The following ATP2C2 variants were observed in gnomAD, a reference collection of about 807,000 sequenced individuals.
The protein encoded by ATP2C2 is ATPase secretory pathway Ca2+ transporting 2.
In ATP2C2, 171 loss-of-function variants were observed where a neutral mutation model predicts 110.8. The ratio of observed to expected loss-of-function variants is 1.54; its 90% CI spans 1.36 to 1.75. The LOEUF is 1.75. Ranked by LOEUF, ATP2C2 falls within the 40% of genes most tolerant of loss-of-function variation. The pLI is 0.00. For synonymous variants in ATP2C2, 804 were observed against 508.4 expected (o/e 1.58, Z -7.82); for missense variants, 1,963 against 1,235.0 (o/e 1.59, Z -8.84).
At chr16:84,459,044 C>G (rs1910974102) in intron 21 of ATP2C2, 76 bp from the exon 22 acceptor site, 1 of 1,516,820 alleles carries the variant, frequency 6.6e-7, no homozygotes, top group Non-Finnish European at 9.1e-7. Flanking sequence ...CACCACTGCC[C>G]CTTGCAGCAA....
At chr16:84,385,720 G>A (rs770440028) in intron 1 of ATP2C2, among the ~76,000 whole-genome samples, 1 of 152,210 alleles carries the variant, frequency 6.6e-6, no homozygotes, top group South Asian at 2.1e-4. Context: ...AGCGGCAGGA[G>A]AGAGAATGAA....
chr16:84,397,368 T>A (rs1905050770), intron 1 of ATP2C2, among the ~76,000 whole-genome samples: 1 of 151,588 alleles, frequency 6.6e-6, no homozygotes, highest in African/African-American at 2.4e-5. Flanking sequence ...TGCAATATGG[T>A]GCATACTTGA....
intron 1 of ATP2C2, among the ~76,000 whole-genome samples, chr16:84,388,576 G>C (rs1904457728): frequency 6.6e-6 from 1 of 152,132 alleles, no homozygotes; most frequent in African/African-American, 2.4e-5. Flanking sequence ...GAAGGATAGA[G>C]AAGCCTTGGA....
Position 84,451,968 on chromosome 16 carries a change from G to A in ATP2C2, c.1708G>A (p.Gly570Ser). The A allele has an allele frequency of 1.2e-6, 2 of 1,614,044 alleles. No individual in the cohort carries two copies. The highest frequency in any genetic ancestry group is 1.7e-6 in the Non-Finnish European group (2 of 1,180,002). ...GPELGRLTFL[G>S]LVGIIDPPRV... ...CGAGCTGGGGCGGCTGACGTTTCTC[G>A]GTCTTGTGGGCATCATTGACCCCCC... is the stretch of plus-strand genomic sequence containing the variant. Residue 570 changes from glycine (G) to serine (S), a missense_variant, in exon 18 of 27, where the codon GGT becomes AGT. Coordinates refer to ENST00000262429, the MANE Select transcript of ATP2C2 (RefSeq NM_014861.4).
chr16:84,415,407 C>G, intron 6 of ATP2C2, 76 bp from the exon 7 acceptor site: 2 of 1,224,604 alleles, frequency 1.6e-6, no homozygotes, highest in Non-Finnish European at 2.4e-6. Context: ...TTCTATTCTC[C>G]TTGTTCAAAT....
At chr16:84,461,462 G>A in intron 24 of ATP2C2, 2 of 583,322 alleles carry the variant, frequency 3.4e-6, no homozygotes, top group Non-Finnish European at 6.1e-6. Flanking sequence ...CTTCCTGGAG[G>A]AAGTGGTGTT....
In ATP2C2 at chr16:84,454,997, T is replaced by A; in HGVS notation, c.2147+13T>A. The stretch of plus-strand genomic sequence containing the variant: ...TCTCAGCCATCATGTAAGCTGCCCT[T>A]CTGGTTGTTTTTCAGTTGCAAAAAT... On this transcript the variant is annotated intron_variant, in intron 21 of 26. Transcript: ENST00000262429. 5.0e-6 allele frequency: 8 copies of A among 1,611,546 alleles called. No homozygotes were observed. The highest frequency in any genetic ancestry group is 6.8e-6 in the Non-Finnish European group (8 of 1,178,686).
At position 84,397,994 on chromosome 16, in the gene ATP2C2, A is replaced by G. The variant is rs185965514; in HGVS notation, c.100-505A>G. On this transcript the variant is annotated intron_variant, in intron 1 of 26. Coordinates refer to ENST00000262429, the MANE Select transcript of ATP2C2 (RefSeq NM_014861.4). The stretch of plus-strand genomic sequence containing the variant: ...TACCCCTCAGGTAGGTAGGTTGGCC[A>G]AGGGAGCATCAGGGGACCAGTCATA... Among the ~76,000 whole-genome samples the G allele has an allele frequency of 2.1e-4, 32 of 152,008 alleles. No individual in the cohort carries two copies. In the East Asian group the frequency reaches 6.2e-3, roughly 29 times the overall value.
At chr16:84,402,337 G>A (rs190040085) in intron 2 of ATP2C2, among the ~76,000 whole-genome samples, 101 of 152,204 alleles carry the variant, frequency 6.6e-4, no homozygotes, top group African/African-American at 2.3e-3. Flanking sequence ...GATTGCTCTA[G>A]CTAGAACTTA....
intron 14 of ATP2C2, 28 bp downstream of exon 14, chr16:84,440,986 A>G (rs1909203634): frequency 2.6e-6 from 4 of 1,554,170 alleles, no homozygotes; most frequent in Non-Finnish European, 3.5e-6. Flanking sequence ...CATGAGGGAA[A>G]TAGGCATTTA....
chr16:84,389,468 A>G (rs752017036), intron 1 of ATP2C2, among the ~76,000 whole-genome samples: 2 of 152,234 alleles, frequency 1.3e-5, no homozygotes, highest in Admixed American at 6.5e-5. Context: ...TTGAATTTCA[A>G]ACAATAAGTG....
chr16:84,418,387 C>G (rs142345459), intron 7 of ATP2C2, among the ~76,000 whole-genome samples: 1,893 of 152,254 alleles, frequency 0.012, 38 homozygotes, highest in African/African-American at 0.044. Context: ...CCCTCCTGCC[C>G]ACCTGCTGAA....
chr16:84,449,488 C>T (rs1046362410), intron 17 of ATP2C2, among the ~76,000 whole-genome samples: 1 of 152,160 alleles, frequency 6.6e-6, no homozygotes, highest in African/African-American at 2.4e-5. Flanking sequence ...CTCAGTTTCC[C>T]CATATGCCTA....
intron 2 of ATP2C2, among the ~76,000 whole-genome samples, chr16:84,402,857 T>C (rs2150516308): frequency 6.6e-6 from 1 of 152,268 alleles, no homozygotes; most frequent in Admixed American, 6.5e-5. Context: ...TTTAGTAGGA[T>C]TGGTATCGCT....
At chr16:84,418,205 C>G (rs1297201689) in intron 7 of ATP2C2, among the ~76,000 whole-genome samples, 2 of 152,210 alleles carry the variant, frequency 1.3e-5, no homozygotes, top group African/African-American at 4.8e-5. Flanking sequence ...GGCATGAGCC[C>G]TGTGTGTGGG....
chr16:84,451,361 C>A (rs972618222), intron 17 of ATP2C2, among the ~76,000 whole-genome samples: 4 of 152,156 alleles, frequency 2.6e-5, no homozygotes, highest in Admixed American at 1.3e-4. Flanking sequence ...CACAGCCAAA[C>A]CATATCAAGC....
chr16:84,442,401 G>C, intron 14 of ATP2C2, 109 bp from the exon 15 acceptor site: 1 of 987,736 alleles, frequency 1.0e-6, no homozygotes, highest in Non-Finnish European at 1.6e-6. Context: ...GTTTTAAAGA[G>C]CAAGTCTTGT....
rs1009270261 is a variant in ATP2C2, at chr16:84,422,014, G to C, written c.625-376G>C. 7.9e-5 allele frequency among the ~76,000 whole-genome samples: 12 copies of C among 152,134 alleles called. No homozygotes were observed. The East Asian group carries it at 2.3e-3, about 29-fold the overall frequency. ...GAATAACCTGGCTCGGTTATTGTGT[G>C]GGATTGTGTGGGAACCATACAGATT... On this transcript the variant is annotated intron_variant, in intron 7 of 26. Coordinates refer to ENST00000262429, the MANE Select transcript of ATP2C2 (RefSeq NM_014861.4).
chr16:84,443,890 C>T (rs967104160), intron 15 of ATP2C2, among the ~76,000 whole-genome samples: 2 of 152,192 alleles, frequency 1.3e-5, no homozygotes, highest in African/African-American at 4.8e-5. Context: ...AAAGTCATTA[C>T]AGGCTGAGTG....
Sources: gnomAD v4.1 joint callset for allele counts (sites outside exome capture counted in the v4.1 genomes callset) on GRCh38, gnomAD v4.1.1 for gene constraint, MANE v1.5 for transcripts, NCBI Gene and HGNC (gene_info 2026-07-23, HGNC 2026-07-21) for gene names.